KLHL32: variants seen among roughly 807,000 people sequenced by gnomAD.
The protein encoded by KLHL32 is kelch like family member 32, also known as kelch-like protein 32.
KLHL32 carries 35 observed loss-of-function variants against 64.8 expected under a neutral mutation model. That is an observed-to-expected ratio of 0.54 (90% CI 0.41 to 0.72). The LOEUF (loss-of-function observed/expected upper bound fraction) is 0.72, where lower values mean the gene tolerates loss of function less well. Among genes scored for constraint, KLHL32 ranks in the 30% least tolerant of loss-of-function variants. The probability of loss-of-function intolerance (pLI) is 0.00; values close to 1 mark genes in which losing one functional copy is unlikely to be tolerated. For synonymous variants in KLHL32, 259 were observed against 281.0 expected (o/e 0.92, Z 0.78); for missense variants, 589 against 768.5 (o/e 0.77, Z 2.76).
At chr6:96,937,368 T>C (rs1289314528) in intron 1 of KLHL32, among the ~76,000 whole-genome samples, 1 of 152,228 alleles carries the variant, frequency 6.6e-6, no homozygotes, top group African/African-American at 2.4e-5. Context: ...AGCTGCATAT[T>C]TGTTAAATTT....
chr6:97,038,157 C>A (rs955781160), intron 3 of KLHL32, among the ~76,000 whole-genome samples: 3 of 151,828 alleles, frequency 2.0e-5, no homozygotes, highest in African/African-American at 7.3e-5. Context: ...GCAACTAAAG[C>A]AAAAATAGAC....
intron 4 of KLHL32, among the ~76,000 whole-genome samples, chr6:97,060,477 C>A (rs1788696545): frequency 6.6e-6 from 1 of 152,172 alleles, no homozygotes; most frequent in Admixed American, 6.5e-5. Context: ...CCCAGAGCCC[C>A]CATGTGAGGT....
chr6:97,128,275 A>AT (rs1222756383), intron 8 of KLHL32, among the ~76,000 whole-genome samples: 4 of 152,088 alleles, frequency 2.6e-5, no homozygotes, highest in Admixed American at 6.6e-5. Context: ...CAATTACTTG[A>AT]TTCTGTATTT....
the KLHL32 span, among the ~76,000 whole-genome samples, chr6:96,908,271 A>C: frequency 6.6e-6 from 1 of 152,256 alleles, no homozygotes. Context: ...ACAAAAGTAC[A>C]AGCTGATGTT....
At chr6:97,059,543 A>G (rs1212193621) in intron 4 of KLHL32, among the ~76,000 whole-genome samples, 4 of 152,334 alleles carry the variant, frequency 2.6e-5, no homozygotes, top group Non-Finnish European at 4.4e-5. Flanking sequence ...TATTATCCTT[A>G]CCTGAACTAT....
At chr6:96,919,033 C>G in the KLHL32 span, among the ~76,000 whole-genome samples, 1 of 152,140 alleles carries the variant, frequency 6.6e-6, no homozygotes, top group African/African-American at 2.4e-5. Context: ...GTCCTCCCCA[C>G]CTCTCTTCTC....
At chr6:97,036,394 A>T (rs1784294777) in intron 3 of KLHL32, among the ~76,000 whole-genome samples, 1 of 152,224 alleles carries the variant, frequency 6.6e-6, no homozygotes, top group African/African-American at 2.4e-5. Flanking sequence ...AAATTATCAT[A>T]TTCCTTTAGT....
intron 3 of KLHL32, among the ~76,000 whole-genome samples, chr6:97,029,484 T>G (rs1372991523): frequency 6.7e-6 from 1 of 149,502 alleles, no homozygotes; most frequent in Non-Finnish European, 1.5e-5. Flanking sequence ...GTAATATAAT[T>G]TTACTGTTTT....
At chr6:97,009,798 G>A (rs1031130147) in intron 3 of KLHL32, among the ~76,000 whole-genome samples, 1 of 152,062 alleles carries the variant, frequency 6.6e-6, no homozygotes, top group Non-Finnish European at 1.5e-5. Flanking sequence ...AGCACGTGAG[G>A]GTCTTCTTAA....
chr6:97,098,014 A>G (rs1795217424), intron 6 of KLHL32, among the ~76,000 whole-genome samples: 1 of 152,186 alleles, frequency 6.6e-6, no homozygotes, highest in Admixed American at 6.5e-5. Context: ...TGGCAAACAT[A>G]GGGGAGGGGT....
At chr6:96,976,934 C>T (rs997829071) in intron 3 of KLHL32, among the ~76,000 whole-genome samples, 11 of 152,148 alleles carry the variant, frequency 7.2e-5, no homozygotes, top group Admixed American at 6.5e-4. Flanking sequence ...TTATTTGCTC[C>T]AAGGACAGAG....
intron 1 of KLHL32, among the ~76,000 whole-genome samples, chr6:96,957,850 A>G (rs993664515): frequency 6.6e-6 from 1 of 152,210 alleles, no homozygotes; most frequent in African/African-American, 2.4e-5. Context: ...TTTATTATTT[A>G]ATGTAACATT....
chr6:97,103,443 G>C (rs1373084359), intron 6 of KLHL32, among the ~76,000 whole-genome samples: 3 of 152,134 alleles, frequency 2.0e-5, no homozygotes, highest in Admixed American at 1.3e-4. Context: ...TCGATCTCCT[G>C]ACCTTGTGAT....
At chr6:96,935,461 T>A (rs1171721955) in intron 1 of KLHL32, among the ~76,000 whole-genome samples, 1 of 152,172 alleles carries the variant, frequency 6.6e-6, no homozygotes, top group Non-Finnish European at 1.5e-5. Context: ...TAGATTTTGG[T>A]TGGACTCTTC....
intron 4 of KLHL32, among the ~76,000 whole-genome samples, chr6:97,063,027 T>G (rs1789159704): frequency 6.6e-6 from 1 of 152,224 alleles, no homozygotes; most frequent in African/African-American, 2.4e-5. Context: ...TAGTGGAGAC[T>G]TTTTGGATTT....
chr6:97,059,089 A>G (rs1242721318), intron 4 of KLHL32, among the ~76,000 whole-genome samples: 1 of 152,240 alleles, frequency 6.6e-6, no homozygotes, highest in Non-Finnish European at 1.5e-5. Context: ...AGCGTGACCT[A>G]GAACACATGG....
intron 1 of KLHL32, among the ~76,000 whole-genome samples, chr6:96,939,074 G>A (rs528021672): frequency 2.6e-5 from 4 of 152,166 alleles, no homozygotes; most frequent in Non-Finnish European, 5.9e-5. Flanking sequence ...TCTAAAGCTA[G>A]CAAACAACTA....
At chr6:96,971,704 G>A (rs1775126271) in intron 2 of KLHL32, among the ~76,000 whole-genome samples, 2 of 152,060 alleles carry the variant, frequency 1.3e-5, no homozygotes. Flanking sequence ...GCCTGACGGG[G>A]GTTGCCTAAA....
At chr6:97,004,598 T>C (rs1779433458) in intron 3 of KLHL32, among the ~76,000 whole-genome samples, 1 of 152,022 alleles carries the variant, frequency 6.6e-6, no homozygotes, top group Admixed American at 6.6e-5. Flanking sequence ...ATTTAGTATG[T>C]TTGCTGAGGG....
Sources: gnomAD v4.1 joint callset for allele counts (sites outside exome capture counted in the v4.1 genomes callset) on GRCh38, gnomAD v4.1.1 for gene constraint, MANE v1.5 for transcripts, NCBI Gene and HGNC (gene_info 2026-07-23, HGNC 2026-07-21) for gene names.